The following SAMD9L variants were observed in gnomAD, a reference collection of about 807,000 sequenced individuals.
SAMD9L encodes sterile alpha motif domain containing 9 like.
Under a neutral mutation model 90.7 loss-of-function variants are expected in SAMD9L, and 68 were observed. The ratio of observed to expected loss-of-function variants is 0.75; its 90% CI spans 0.62 to 0.92. The LOEUF is 0.92. Ranked by LOEUF, SAMD9L falls within the 40% of genes least tolerant of loss-of-function variation. The pLI, the probability that SAMD9L is intolerant of heterozygous loss-of-function variation, is 0.00. For missense variants in SAMD9L, 1,604 were observed against 1,824.3 expected, an observed-to-expected ratio of 0.88 and a Z score of 2.20; for synonymous variants, 640 against 630.1, an observed-to-expected ratio of 1.02 and a Z score of -0.23.
chr7:93,137,739 T>C (rs1166522299), intron 4 of SAMD9L, among the ~76,000 whole-genome samples: 2 of 149,366 alleles, frequency 1.3e-5, no homozygotes, highest in Non-Finnish European at 1.5e-5. Context: ...CCTAAGTTTT[T>C]TTTTTTTTTT....
At position 93,135,243 on chromosome 7, in the gene SAMD9L, G is replaced by T. The variant is rs936333584; in HGVS notation, c.729C>A (p.Asp243Glu). The change falls in exon 5 of 5, where the codon GAC becomes GAA. Residue 243 changes from aspartate to glutamate, a missense_variant. This residue lies in a region of SAMD9L where 374 missense variants were observed against 363.6 expected (regional missense o/e 1.03). Transcript: ENST00000318238. The stretch of plus-strand genomic sequence containing the variant: ...CACCAACAATTTCTCCATGGGGTTT[G>T]TCCTTGACTCCAAAATGGATGGTGC... ...TNGTIHFGVK[D>E]KPHGEIVGVK... The T allele has an allele frequency of 6.2e-7, 1 of 1,614,094 alleles. No homozygotes were observed. The highest frequency in any genetic ancestry group is 8.5e-7 in the Non-Finnish European group (1 of 1,179,974).
Position 93,131,791 on chromosome 7 carries a change from T to A in SAMD9L, c.4181A>T (p.Lys1394Met), listed in dbSNP as rs1200111727. The part of the protein sequence containing the change: ...ILANIILSCL[K>M]PNSKLIQPLT... Reference sequence around the variant, plus strand: ...TGGTTGAATTAACTTGGAGTTGGGCTTTAGACAACTCAGAATAATGTTGGC... The same window carrying A: ...TGGTTGAATTAACTTGGAGTTGGGCATTAGACAACTCAGAATAATGTTGGC... Residue 1394 changes from lysine (K) to methionine (M), a missense_variant, in exon 5 of 5, where the codon AAG becomes ATG. Transcript: ENST00000318238. The A allele has an allele frequency of 6.2e-7, 1 of 1,613,534 alleles. No homozygotes were observed. The highest frequency in any genetic ancestry group is 8.5e-7 in the Non-Finnish European group (1 of 1,179,790).
Position 93,136,005 on chromosome 7 carries a change from A to C in SAMD9L, c.-20-14T>G. Reference sequence around the variant, plus strand: ...TTCAACTTCTTCCTGAGACAAAGCAATATAATAAGTATTTTAGAATTATAC... The same window carrying C: ...TTCAACTTCTTCCTGAGACAAAGCACTATAATAAGTATTTTAGAATTATAC... On this transcript the variant is annotated splice_polypyrimidine_tract_variant and intron_variant, in intron 4 of 4. Coordinates refer to ENST00000318238, the MANE Select transcript of SAMD9L (RefSeq NM_152703.5). 6.8e-7 allele frequency: 1 copy of C among 1,480,852 alleles called. No homozygotes were observed. The highest frequency in any genetic ancestry group is 9.0e-7 in the Non-Finnish European group (1 of 1,110,386). The allele number at this position is 1,480,852 out of a possible 1,614,324, so 91.7% of individuals were successfully genotyped here.
chr7:93,135,119 G>A lies in SAMD9L; in HGVS notation c.853C>T (p.Arg285Trp), dbSNP rs746980471. ...SEINEAKKCI[R>W]EPRFVEVLLQ... is the part of the protein sequence containing the mutation. Reference sequence around the variant, plus strand: ...AGGACTTCCACAAACCTTGGCTCCCGAATACACTTCTTGGCTTCATTGATC... The same window carrying A: ...AGGACTTCCACAAACCTTGGCTCCCAAATACACTTCTTGGCTTCATTGATC... Residue 285 changes from arginine to tryptophan, a missense_variant, in exon 5 of 5, where the codon CGG (arginine) becomes TGG (tryptophan). Physicochemically the swap from Arg to Trp is moderately radical, Grantham distance 101. Around this residue, in one of 7 missense-constraint regions of SAMD9L, gnomAD observed 374 missense variants for 363.6 expected, o/e 1.03. Transcript: ENST00000318238. 2.8e-5 allele frequency: 45 copies of A among 1,612,162 alleles called. No individual in the cohort carries two copies. The East Asian group carries it at 6.9e-4, about 25-fold the overall frequency.
Position 93,133,263 on chromosome 7 carries a change from A to G in SAMD9L, c.2709T>C (p.Asn903=). 6.2e-7 allele frequency: 1 copy of G among 1,613,270 alleles called. No homozygotes were observed. Among genetic ancestry groups the G allele is most frequent in the African/African-American group, 1.3e-5 (1 of 74,998 alleles). ...KSNFDETYIE[N]VVRNILKGQD... The stretch of plus-strand genomic sequence containing the variant: ...GTCCTTTTAGGATATTCCTGACTAC[A>G]TTTTCTATATATGTTTCATCAAAAT... Residue 903 remains asparagine (N), a synonymous_variant, in exon 5 of 5, where the codon AAT becomes AAC. Transcript: ENST00000318238.
At chr7:93,142,982 G>T (rs1792751228) in intron 4 of SAMD9L, among the ~76,000 whole-genome samples, 1 of 152,184 alleles carries the variant, frequency 6.6e-6, no homozygotes, top group African/African-American at 2.4e-5. Context: ...CAGCGTTTTA[G>T]GAATTTCCTG....
rs756086640 is a variant in SAMD9L at position 93,135,899 on chromosome 7, C to T, written c.73G>A (p.Glu25Lys). ...TATTGCTCATTAATCTTAAGGTCTT[C>T]ATTTACCCATTTTTTCACATGCTCT... The part of the protein sequence containing the change: ...TKEHVKKWVN[E>K]DLKINEQYGQ... Residue 25 changes from glutamate (E) to lysine (K), a missense_variant, in exon 5 of 5, where the codon GAA becomes AAA. By Grantham distance (56) the Glu-to-Lys change is moderately conservative. This residue lies in a region of SAMD9L where 24 missense variants were observed against 41.8 expected (regional missense o/e 0.57). Transcript: ENST00000318238. 20 of 1,612,564 alleles carry T rather than the reference C, an allele frequency of 1.2e-5. No homozygotes were observed. The East Asian group carries it at 2.7e-4, about 22-fold the overall frequency.
Position 93,132,997 on chromosome 7 carries a change from A to C in SAMD9L, c.2975T>G (p.Ile992Ser). Residue 992 changes from isoleucine to serine, a missense_variant, in exon 5 of 5, where the codon ATT (isoleucine) becomes AGT (serine). By Grantham distance (142) the Ile-to-Ser change is moderately radical. Transcript: ENST00000318238. ...CAGTTCTTTTAGACAGTACAGGGCA[A>C]TCAGAGGGTGAATGATACGCACACC... Reference protein sequence around the residue: ...YTGVRIIHPLIALYCLKELER... With the variant: ...YTGVRIIHPLSALYCLKELER... 1 of 1,613,538 alleles carries C rather than the reference A, an allele frequency of 6.2e-7. No individual in the cohort carries two copies. Among genetic ancestry groups the C allele is most frequent in the Non-Finnish European group, 8.5e-7 (1 of 1,179,630 alleles).
chr7:93,135,280 G>T lies in SAMD9L; in HGVS notation c.692C>A (p.Ser231Ter), dbSNP rs1312943250. The change falls in exon 5 of 5, where the codon TCA (serine) becomes TAA (stop). Residue 231 changes from serine to a stop codon, truncating the protein, a stop_gained. Coordinates refer to ENST00000318238, the MANE Select transcript of SAMD9L (RefSeq NM_152703.5). LOFTEE classifies it low-confidence loss of function (END_TRUNC). ...VFRFASACMN[S>*]RTNGTIHFGV... is the part of the protein sequence containing the mutation. ...AAAATGGATGGTGCCATTGGTGCGT[G>T]AATTCATACAAGCTGATGCAAATCG... 2 of 1,614,000 alleles carry T rather than the reference G, an allele frequency of 1.2e-6. No homozygotes were observed. The highest frequency in any genetic ancestry group is 2.7e-5 in the African/African-American group (2 of 74,928).
At chr7:93,137,577 C>T (rs773492343) in intron 4 of SAMD9L, among the ~76,000 whole-genome samples, 2 of 151,936 alleles carry the variant, frequency 1.3e-5, no homozygotes, top group Admixed American at 1.3e-4. Flanking sequence ...ATAAAGTGCA[C>T]ACAAAATGTA....
In SAMD9L at chr7:93,135,905, C is replaced by T. The variant is rs749270031; in HGVS notation, c.67G>A (p.Val23Ile). 1.9e-6 allele frequency: 3 copies of T among 1,612,368 alleles called. No homozygotes were observed. Among genetic ancestry groups the T allele is most frequent in the Non-Finnish European group, 2.5e-6 (3 of 1,179,526 alleles). ...TCATTAATCTTAAGGTCTTCATTTA[C>T]CCATTTTTTCACATGCTCTTTGGTC... ...DWTKEHVKKW[V>I]NEDLKINEQY... is the part of the protein sequence containing the mutation. The change falls in exon 5 of 5, where the codon GTA (valine) becomes ATA (isoleucine). Residue 23 changes from valine to isoleucine, a missense_variant. This residue lies in a region of SAMD9L where 24 missense variants were observed against 41.8 expected (regional missense o/e 0.57). Coordinates refer to ENST00000318238, the MANE Select transcript of SAMD9L (RefSeq NM_152703.5).
At position 93,133,814 on chromosome 7, in the gene SAMD9L, CT is replaced by C; in HGVS notation, c.2157del (p.Asp720IlefsTer2). On this transcript the variant is annotated frameshift_variant, in exon 5 of 5. Coordinates refer to ENST00000318238, the MANE Select transcript of SAMD9L (RefSeq NM_152703.5). LOFTEE classifies it high-confidence loss of function. ...FVKRDSYEKL[K>X]DLIHCWAESP... ...GACTCTGCCCAGCAGTGTATTAAATCTTTAAGCTTTTCATAACTGTCCCTTT... is the reference window on the plus strand; with the variant it reads ...GACTCTGCCCAGCAGTGTATTAAATCTTAAGCTTTTCATAACTGTCCCTTT... 1 of 1,613,596 alleles carries C rather than the reference CT, an allele frequency of 6.2e-7. No homozygotes were observed. The highest frequency in any genetic ancestry group is 8.5e-7 in the Non-Finnish European group (1 of 1,179,812).
intron 4 of SAMD9L, among the ~76,000 whole-genome samples, chr7:93,141,913 G>A (rs1200641182): frequency 1.3e-5 from 2 of 152,188 alleles, no homozygotes; most frequent in Non-Finnish European, 2.9e-5. Flanking sequence ...AATAAGGTCT[G>A]ACATGATATG....
At chr7:93,143,134 G>A (rs1480221398) in intron 4 of SAMD9L, among the ~76,000 whole-genome samples, 2 of 152,186 alleles carry the variant, frequency 1.3e-5, no homozygotes, top group Non-Finnish European at 2.9e-5. Context: ...ATTGACTTCT[G>A]TCAGGAACTA....
intron 4 of SAMD9L, among the ~76,000 whole-genome samples, chr7:93,139,212 T>C (rs1792581945): frequency 6.6e-6 from 1 of 152,216 alleles, no homozygotes; most frequent in Admixed American, 6.5e-5. Flanking sequence ...TCCAATACAA[T>C]GGCCTCTCAC....
intron 4 of SAMD9L, among the ~76,000 whole-genome samples, chr7:93,138,382 C>T (rs186301474): frequency 8.4e-4 from 128 of 152,142 alleles, no homozygotes; most frequent in African/African-American, 3.1e-3. Context: ...ATGTGAAGCT[C>T]GTTCATGACA....
chr7:93,137,190 G>A (rs567814627), intron 4 of SAMD9L, among the ~76,000 whole-genome samples: 56 of 152,294 alleles, frequency 3.7e-4, no homozygotes, highest in Admixed American at 1.1e-3. Flanking sequence ...ACCTGGACCA[G>A]TACCAGTCTC....
Position 93,131,991 on chromosome 7 carries a change from A to G in SAMD9L, c.3981T>C (p.Asn1327=). 6.2e-7 allele frequency: 1 copy of G among 1,611,886 alleles called. No individual in the cohort carries two copies. The highest frequency in any genetic ancestry group is 1.1e-5 in the South Asian group (1 of 90,404). The part of the protein sequence containing the change: ...SKESQLLQEE[N]CRKKLEALRA... ...TCAGAGCTTCTAGCTTTTTCCTGCA[A>G]TTCTCCTCCTGGAGTAATTGACTCT... The change falls in exon 5 of 5, where the codon AAT becomes AAC. Residue 1327 remains asparagine, a synonymous_variant. Transcript: ENST00000318238.
rs750019362 is a variant in SAMD9L, at chr7:93,132,371, T to C, written c.3601A>G (p.Ile1201Val). 3 of 1,613,922 alleles carry C rather than the reference T, an allele frequency of 1.9e-6. No homozygotes were observed. The highest frequency in any genetic ancestry group is 1.7e-6 in the Non-Finnish European group (2 of 1,179,860). The change falls in exon 5 of 5, where the codon ATA (isoleucine) becomes GTA (valine). Residue 1201 changes from isoleucine (I) to valine (V), a missense_variant. Transcript: ENST00000318238. ...MYNTACFLGE[I>V]EVGLYTIQIL... is the part of the protein sequence containing the mutation. ...TGGATAGTGTAAAGACCAACTTCTA[T>C]TTCACCCAAGAAACAAGCTGTGTTA...
Sources: gnomAD v4.1 joint callset for allele counts (sites outside exome capture counted in the v4.1 genomes callset) on GRCh38, gnomAD v4.1.1 for gene constraint, gnomAD v4.1.1 regional missense constraint, MANE v1.5 for transcripts, NCBI Gene and HGNC (gene_info 2026-07-23, HGNC 2026-07-21) for gene names.